Variants in NAV1 observed in about 807,000 individuals in gnomAD.
NAV1 encodes neuron navigator 1, also known as pore membrane and/or filament interacting like protein 3.
In NAV1, 18 loss-of-function variants were observed where a neutral mutation model predicts 175.2. That is an observed-to-expected ratio of 0.10 (90% CI 0.07 to 0.15). NAV1 has a LOEUF of 0.15. Among genes scored for constraint, NAV1 ranks in the 10% least tolerant of loss-of-function variants. The probability of loss-of-function intolerance (pLI) is 1.00; values close to 1 mark genes in which losing one functional copy is unlikely to be tolerated. For synonymous variants in NAV1, 897 were observed against 978.7 expected, an observed-to-expected ratio of 0.92 and a Z score of 1.56; for missense variants, 1,731 against 2,436.6, an observed-to-expected ratio of 0.71 and a Z score of 6.10.
chr1:201,620,790 A>C (rs1340202698), upstream of NAV1, among the ~76,000 whole-genome samples: 1 of 151,836 alleles, frequency 6.6e-6, no homozygotes, highest in Non-Finnish European at 1.5e-5. Context: ...TACTCTTACC[A>C]ACACTGGATA....
At chr1:201,733,904 A>G (rs1672974407) in intron 3 of NAV1, among the ~76,000 whole-genome samples, 1 of 152,146 alleles carries the variant, frequency 6.6e-6, no homozygotes, top group African/African-American at 2.4e-5. Context: ...AGAGAGAGGA[A>G]GCTACTGGAG....
chr1:201,599,686 G>T (rs1316036832), intron 2 of NAV1, among the ~76,000 whole-genome samples: 3 of 152,154 alleles, frequency 2.0e-5, no homozygotes, highest in Non-Finnish European at 4.4e-5. Flanking sequence ...CCATCAGGCA[G>T]GCTTCCGAGC....
At chr1:201,624,336 C>CTTTTTTTTT (rs1188885818) in intron 1 of NAV1, among the ~76,000 whole-genome samples, 5 of 79,444 alleles carry the variant, frequency 6.3e-5, no homozygotes, top group Admixed American at 1.8e-4. Context: ...GTCAACTACG[C>CTTTTTTTTT]TTTTTTTTTT....
At chr1:201,789,851 C>T in intron 11 of NAV1, 59 bp downstream of exon 15, 5 of 1,516,526 alleles carry the variant, frequency 3.3e-6, no homozygotes, top group Non-Finnish European at 3.7e-6. Flanking sequence ...CCCATGCTCC[C>T]TAGAACCTCC....
At chr1:201,720,260 G>A (rs1672323610) in intron 3 of NAV1, among the ~76,000 whole-genome samples, 1 of 152,230 alleles carries the variant, frequency 6.6e-6, no homozygotes, top group African/African-American at 2.4e-5. Context: ...CCTCCTCTGA[G>A]AATCCCAGGA....
chr1:201,715,150 T>C lies in NAV1; in HGVS notation c.860+2231T>C, dbSNP rs150992542. ...ACTGGTAGCCAAAACAATGATTCCCTGACTTTTTATGGCTCTTTTTTTTTT... is the reference window on the plus strand; with the variant it reads ...ACTGGTAGCCAAAACAATGATTCCCCGACTTTTTATGGCTCTTTTTTTTTT... On this transcript the variant is annotated intron_variant, in intron 2 of 29. Transcript: ENST00000367296. Among the ~76,000 whole-genome samples the C allele has an allele frequency of 9.6e-4, 144 of 149,404 alleles. 1 individual carries two copies. Among genetic ancestry groups the C allele is most frequent in the Admixed American group, 4.9e-3 (71 of 14,600 alleles).
chr1:201,817,262 A>G lies in NAV1; in HGVS notation c.5515A>G (p.Ser1839Gly), dbSNP rs749859308. Residue 1839 changes from serine (S) to glycine (G), a missense_variant, in exon 29 of 30, where the codon AGT becomes GGT. Transcript: ENST00000367296. ...TAGGACAGTCAAAGACAGCACCCCA[A>G]GTTCTCTGGACTCAGATCCTCTGGT... 11 of 1,613,976 alleles carry G rather than the reference A, an allele frequency of 6.8e-6. No individual in the cohort carries two copies. The highest frequency in any genetic ancestry group is 1.7e-5 in the Admixed American group (1 of 59,994).
In NAV1 at chr1:201,774,809, C is replaced by G. The variant is rs182959189; in HGVS notation, c.1227-5612C>G. Among the ~76,000 whole-genome samples, 782 of 152,130 alleles carry G rather than the reference C, an allele frequency of 5.1e-3. 7 individuals carry two copies. The highest frequency in any genetic ancestry group is 0.018 in the African/African-American group (745 of 41,480). ...CCACAAAAGTTAAATGAAAATAAAG[C>G]GTTTTTCTTTTCATAAGTCATAAAA... On this transcript the variant is annotated intron_variant, in intron 3 of 29. Coordinates refer to ENST00000367296, the Ensembl canonical transcript of NAV1.
rs771484232 is a variant in NAV1, at chr1:201,718,457, C to T, written c.928C>T (p.Arg310Cys). ...ACGCAGCGTGTCCAGCCTCTCCAACCGCTCGTCCCCTCTGTCATGGCGCTA... is the reference window on the plus strand; with the variant it reads ...ACGCAGCGTGTCCAGCCTCTCCAACTGCTCGTCCCCTCTGTCATGGCGCTA... The change falls in exon 3 of 30, where the codon CGC becomes TGC. Residue 310 changes from arginine to cysteine, a missense_variant. Coordinates refer to ENST00000367296, the Ensembl canonical transcript of NAV1. The surrounding 1 kb of genome is among the most constrained non-coding windows in gnomAD (Gnocchi z 4.8). The T allele has an allele frequency of 1.6e-5, 25 of 1,573,520 alleles. No homozygotes were observed. Among genetic ancestry groups the T allele is most frequent in the African/African-American group, 2.7e-5 (2 of 74,316 alleles).
intron 1 of NAV1, among the ~76,000 whole-genome samples, chr1:201,693,605 G>A (rs183570984): frequency 1.3e-5 from 2 of 152,292 alleles, no homozygotes; most frequent in East Asian, 3.9e-4. Context: ...TTGAAGGGGA[G>A]TGATCTCTGG....
Position 201,810,566 on chromosome 1 carries a change from G to A in NAV1, c.4605G>A (p.Leu1535=), listed in dbSNP as rs1678626986. 1 of 1,613,466 alleles carries A rather than the reference G, an allele frequency of 6.2e-7. No individual in the cohort carries two copies. The change falls in exon 24 of 30, where the codon CTG becomes CTA. Residue 1535 remains leucine, a synonymous_variant. Transcript: ENST00000367296. This position sits in a 1 kb window ranked among gnomAD's most constrained non-coding sequence, Gnocchi z 6.0. ...TCGACAGCCTGGTGTTCGAGACGCT[G>A]ATCCCCAAGCCGATGATGCAGCACT...
intron 1 of NAV1, among the ~76,000 whole-genome samples, chr1:201,556,425 A>G (rs1003011875): frequency 8.5e-5 from 8 of 94,454 alleles, no homozygotes; most frequent in African/African-American, 2.0e-4. Flanking sequence ...CTCAAAAAAG[A>G]AAAAAAAAAA....
intron 1 of NAV1, among the ~76,000 whole-genome samples, chr1:201,576,490 C>T (rs1666692731): frequency 6.6e-6 from 1 of 151,920 alleles, no homozygotes; most frequent in Non-Finnish European, 1.5e-5. Flanking sequence ...CCTGTAATCT[C>T]AACTAATCAG....
chr1:201,690,760 G>T (rs1023143301), intron 1 of NAV1, among the ~76,000 whole-genome samples: 1 of 150,264 alleles, frequency 6.7e-6, no homozygotes, highest in Non-Finnish European at 1.5e-5. Context: ...TGGCCTGTCC[G>T]TGGCAGTGTG....
Position 201,812,090 on chromosome 1 carries a change from G to A in NAV1, c.5024+116G>A. On this transcript the variant is annotated intron_variant, in intron 26 of 29. Transcript: ENST00000367296. The surrounding 1 kb of genome is among the most constrained non-coding windows in gnomAD (Gnocchi z 4.6). ...AAAGAGAAGTATCCAGAGCTTTTTG[G>A]GCTGGAAATAGAAAGTAGATGTATT... is the stretch of plus-strand genomic sequence containing the variant. 1 of 1,028,060 alleles carries A rather than the reference G, an allele frequency of 9.7e-7. No individual in the cohort carries two copies. The highest frequency in any genetic ancestry group is 1.3e-5 in the South Asian group (1 of 75,590). 63.7% of individuals were successfully genotyped at this position (1,028,060 alleles called of 1,614,324 possible). A position where few individuals can be genotyped will look rare whatever the true frequency, so the allele number is the denominator to read the frequency against.
At chr1:201,590,134 C>T (rs1667144963) in intron 2 of NAV1, among the ~76,000 whole-genome samples, 2 of 152,284 alleles carry the variant, frequency 1.3e-5, no homozygotes, top group South Asian at 4.1e-4. Flanking sequence ...CTCAAGTGGT[C>T]CATCTGCCTC....
intron 2 of NAV1, among the ~76,000 whole-genome samples, chr1:201,641,443 T>A (rs1298016881): frequency 6.6e-6 from 1 of 152,118 alleles, no homozygotes; most frequent in Non-Finnish European, 1.5e-5. Flanking sequence ...AAGGCTCCCA[T>A]CTCACTGGAA....
At chr1:201,771,623 C>G (rs1675597944) in intron 3 of NAV1, among the ~76,000 whole-genome samples, 1 of 152,050 alleles carries the variant, frequency 6.6e-6, no homozygotes, top group Admixed American at 6.6e-5. Context: ...GGGACATGTC[C>G]TTTTCTGGAT....
At chr1:201,720,564 G>A (rs1171989095) in intron 3 of NAV1, among the ~76,000 whole-genome samples, 1 of 152,192 alleles carries the variant, frequency 6.6e-6, no homozygotes, top group African/African-American at 2.4e-5. Flanking sequence ...TGGAGACGTC[G>A]CAGTCTGAGG....
Sources: allele counts gnomAD v4.1 joint callset (sites outside exome capture counted in the v4.1 genomes callset), GRCh38; gene constraint gnomAD v4.1.1; non-coding constraint Gnocchi (gnomAD v3.1); transcripts MANE v1.5; gene names NCBI Gene and HGNC (gene_info 2026-07-23, HGNC 2026-07-21).